The following MAPKAP1 variants were observed in gnomAD, a reference collection of about 807,000 sequenced individuals.
MAPKAP1 encodes the protein target of rapamycin complex 2 subunit MAPKAP1.
Under a neutral mutation model 65.7 loss-of-function variants are expected in MAPKAP1, and 20 were observed. That is an observed-to-expected ratio of 0.30 (90% CI 0.21 to 0.44). The LOEUF (loss-of-function observed/expected upper bound fraction) is 0.44. MAPKAP1 is among the 20% of genes least tolerant of loss of function. The pLI, the probability that MAPKAP1 is intolerant of heterozygous loss-of-function variation, is 1.00. For synonymous variants in MAPKAP1, 222 were observed against 244.3 expected, an observed-to-expected ratio of 0.91 and a Z score of 0.85; for missense variants, 423 against 648.0, an observed-to-expected ratio of 0.65 and a Z score of 3.77.
intron 5 of MAPKAP1, among the ~76,000 whole-genome samples, chr9:125,577,824 G>A (rs1399828102): frequency 9.3e-5 from 13 of 140,294 alleles, no homozygotes; most frequent in African/African-American, 3.2e-4. Flanking sequence ...GTCAGCCCCC[G>A]GCCCGGCCAA....
chr9:125,671,135 G>A (rs1266625442), intron 2 of MAPKAP1, among the ~76,000 whole-genome samples: 2 of 152,120 alleles, frequency 1.3e-5, no homozygotes, highest in East Asian at 3.8e-4. Flanking sequence ...TGTCATATAA[G>A]ATATCATCTC....
intron 8 of MAPKAP1, among the ~76,000 whole-genome samples, chr9:125,489,673 C>A (rs1485207947): frequency 6.6e-6 from 1 of 152,098 alleles, no homozygotes; most frequent in Admixed American, 6.6e-5. Context: ...TGAGGCCTCA[C>A]ACCTGTCTTC....
At chr9:125,464,050 A>G (rs1348384057) in intron 10 of MAPKAP1, among the ~76,000 whole-genome samples, 1 of 152,040 alleles carries the variant, frequency 6.6e-6, no homozygotes, top group Non-Finnish European at 1.5e-5. Context: ...GCACTTAAAA[A>G]GAGAGCCACA....
At chr9:125,501,931 G>A (rs551086751) in intron 8 of MAPKAP1, among the ~76,000 whole-genome samples, 12 of 151,950 alleles carry the variant, frequency 7.9e-5, no homozygotes, top group South Asian at 4.2e-4. Context: ...GAAGTGTATC[G>A]ATTTTGTTGG....
chr9:125,639,467 C>A (rs1249538522), intron 4 of MAPKAP1, among the ~76,000 whole-genome samples: 1 of 152,208 alleles, frequency 6.6e-6, no homozygotes, highest in Non-Finnish European at 1.5e-5. Flanking sequence ...GTGCCTGGCA[C>A]ATAGCTAATT....
intron 1 of MAPKAP1, among the ~76,000 whole-genome samples, chr9:125,704,575 T>C (rs1182116693): frequency 6.6e-6 from 1 of 152,238 alleles, no homozygotes; most frequent in African/African-American, 2.4e-5. Context: ...TGCTTGGCAC[T>C]GCTGAAATGA....
chr9:125,525,635 T>C (rs187485742), intron 7 of MAPKAP1, among the ~76,000 whole-genome samples: 19 of 151,464 alleles, frequency 1.3e-4, no homozygotes, highest in Non-Finnish European at 2.2e-4. Context: ...ATTGCGCCAT[T>C]GCACTCCAGC....
At chr9:125,512,250 A>G (rs929781341) in intron 7 of MAPKAP1, among the ~76,000 whole-genome samples, 1 of 152,236 alleles carries the variant, frequency 6.6e-6, no homozygotes, top group Non-Finnish European at 1.5e-5. Context: ...GGGAAGACAC[A>G]CTGTCGCCTC....
At chr9:125,636,414 A>C (rs1833426047) in intron 4 of MAPKAP1, among the ~76,000 whole-genome samples, 1 of 152,258 alleles carries the variant, frequency 6.6e-6, no homozygotes, top group Admixed American at 6.5e-5. Context: ...ATATATATCA[A>C]GATACAATAG....
intron 1 of MAPKAP1, among the ~76,000 whole-genome samples, chr9:125,682,094 T>C (rs1834841045): frequency 6.6e-6 from 1 of 152,202 alleles, no homozygotes; most frequent in Non-Finnish European, 1.5e-5. Context: ...AAAAAAATGT[T>C]TATCTTCAAA....
rs561157897 is a variant in MAPKAP1, at chr9:125,707,154, C to T, written c.-253G>A. The T allele has an allele frequency of 3.5e-5, 14 of 398,214 alleles. No homozygotes were observed. Among genetic ancestry groups the T allele is most frequent in the African/African-American group, 6.2e-5 (3 of 48,746 alleles). The allele number at this position is 398,214 out of a possible 1,614,324, so 24.7% of individuals were successfully genotyped here. On this transcript the variant is annotated 5_prime_UTR_variant, in exon 1 of 12. Transcript: ENST00000265960. ...CGGGTTAGCCCTCATGCCCCTGCTG[C>T]TCGCCGCCGCCGGCCGGCCGAGCAG...
chr9:125,626,869 T>C (rs968747182), intron 4 of MAPKAP1, among the ~76,000 whole-genome samples: 3 of 152,228 alleles, frequency 2.0e-5, no homozygotes, highest in African/African-American at 4.8e-5. Flanking sequence ...ATATAGAAGA[T>C]TTATGATGTG....
intron 6 of MAPKAP1, among the ~76,000 whole-genome samples, chr9:125,556,812 A>G (rs1159529335): frequency 6.6e-6 from 1 of 152,242 alleles, no homozygotes; most frequent in African/African-American, 2.4e-5. Context: ...CTAACTTAGA[A>G]TATAGACCAG....
Position 125,680,205 on chromosome 9 carries a change from A to C in MAPKAP1, c.-69-7562T>G, listed in dbSNP as rs184968226. On this transcript the variant is annotated intron_variant, in intron 1 of 11. Coordinates refer to ENST00000265960, the MANE Select transcript of MAPKAP1 (RefSeq NM_001006617.3). ...TTAAACGTGTCATAGGAACACTCAC[A>C]TTTATTTTCCACAACAAGGAATGAT... is the stretch of plus-strand genomic sequence containing the variant. 1.3e-3 allele frequency among the ~76,000 whole-genome samples: 199 copies of C among 152,130 alleles called. 1 individual carries two copies. Among genetic ancestry groups the C allele is most frequent in the African/African-American group, 4.6e-3 (192 of 41,490 alleles).
chr9:125,455,055 AC>A (rs1390988249), intron 10 of MAPKAP1, among the ~76,000 whole-genome samples: 1 of 152,040 alleles, frequency 6.6e-6, no homozygotes, highest in Non-Finnish European at 1.5e-5. Flanking sequence ...AACCCAAAAA[AC>A]AAAAATAAAA....
Position 125,697,058 on chromosome 9 carries a change from C to T in MAPKAP1, c.-70+9913G>A, listed in dbSNP as rs553585872. 6.6e-5 allele frequency among the ~76,000 whole-genome samples: 10 copies of T among 152,284 alleles called. No homozygotes were observed. In the East Asian group the frequency reaches 1.7e-3, roughly 26 times the overall value. On this transcript the variant is annotated intron_variant, in intron 1 of 11. Coordinates refer to ENST00000265960, the MANE Select transcript of MAPKAP1 (RefSeq NM_001006617.3). The stretch of plus-strand genomic sequence containing the variant: ...GTGGCCACTGAAGAGGTGATGGTAG[C>T]ACCGGGATAATGATACCACCAATAC...
intron 1 of MAPKAP1, among the ~76,000 whole-genome samples, chr9:125,698,345 T>C (rs191587342): frequency 0.011 from 1,347 of 128,042 alleles, 38 homozygotes; most frequent in Non-Finnish European, 0.015. Flanking sequence ...ATAAAATATA[T>C]ATATTTTTTG....
intron 3 of MAPKAP1, among the ~76,000 whole-genome samples, chr9:125,669,466 G>A (rs748855268): frequency 6.6e-6 from 1 of 152,102 alleles, no homozygotes; most frequent in Non-Finnish European, 1.5e-5. Context: ...GGCAAAAAGA[G>A]TGAAACACTA....
At chr9:125,451,288 G>A (rs1162723326) in intron 10 of MAPKAP1, among the ~76,000 whole-genome samples, 2 of 152,130 alleles carry the variant, frequency 1.3e-5, no homozygotes, top group African/African-American at 4.8e-5. Context: ...CTGGAGGCAC[G>A]GTCACCTGAT....
Sources: allele counts gnomAD v4.1 joint callset (sites outside exome capture counted in the v4.1 genomes callset), GRCh38; gene constraint gnomAD v4.1.1; transcripts MANE v1.5; gene names NCBI Gene and HGNC (gene_info 2026-07-23, HGNC 2026-07-21).